Variants in LARP1 observed in about 807,000 individuals in gnomAD.
LARP1 encodes the protein la-related protein 1.
LARP1 carries 36 observed loss-of-function variants against 122.7 expected under a neutral mutation model. The ratio of observed to expected loss-of-function variants is 0.29; its 90% CI spans 0.22 to 0.39. The LOEUF (loss-of-function observed/expected upper bound fraction) is 0.39. Among genes scored for constraint, LARP1 ranks in the 10% least tolerant of loss-of-function variants. The pLI is 1.00. For missense variants in LARP1, 1,040 were observed against 1,403.6 expected (o/e 0.74, Z 4.14); for synonymous variants, 539 against 528.7 (o/e 1.02, Z -0.27).
At chr5:154,804,858 C>A in intron 14 of LARP1, 1 of 456,216 alleles carries the variant, frequency 2.2e-6, no homozygotes, top group Non-Finnish European at 4.4e-6. Context: ...CTACTCCCTG[C>A]AGAGATGGCA....
In LARP1 at chr5:154,803,761, C is replaced by T. The variant is rs1352053887; in HGVS notation, c.2439+16C>T. The stretch of plus-strand genomic sequence containing the variant: ...GGATGCCAAGGTGAGGCATTCCTGT[C>T]GGGCTGCTCAGAGTCTTGGGTCTAC... On this transcript the variant is annotated intron_variant, in intron 13 of 18. Coordinates refer to ENST00000518297, the MANE Select transcript of LARP1 (RefSeq NM_033551.3). This position sits in a 1 kb window ranked among gnomAD's most constrained non-coding sequence, Gnocchi z 4.4. The T allele has an allele frequency of 3.1e-6, 5 of 1,611,400 alleles. No individual in the cohort carries two copies. The highest frequency in any genetic ancestry group is 1.1e-5 in the South Asian group (1 of 91,016).
At chr5:154,753,853 A>C (rs888234573), upstream of LARP1, among the ~76,000 whole-genome samples, 1 of 152,206 alleles carries the variant, frequency 6.6e-6, no homozygotes, top group Non-Finnish European at 1.5e-5. Context: ...TGGCTGGGGC[A>C]GTTCCAAGAG....
At chr5:154,704,647 CAAA>C (rs75268894) in intron 1 of LARP1, among the ~76,000 whole-genome samples, 5 of 52,826 alleles carry the variant, frequency 9.5e-5, no homozygotes, top group Admixed American at 1.9e-4. Context: ...AACCCTGTCT[CAAA>C]AAAAAAAAAA....
rs114538762 is a variant in LARP1 at position 154,688,209 on chromosome 5, G to A, written c.-180+5172G>A. On this transcript the variant is annotated intron_variant, in intron 1 of 18. Coordinates refer to the LARP1 transcript ENST00000687700. Reference sequence around the variant, plus strand: ...TGATGTTGGGTGTCCTGGGGGTGGCGAGGCTCCTGCAGTCTCATCCGGGGA... The same window carrying A: ...TGATGTTGGGTGTCCTGGGGGTGGCAAGGCTCCTGCAGTCTCATCCGGGGA... Among the ~76,000 whole-genome samples, 980 of 152,290 alleles carry A rather than the reference G, an allele frequency of 6.4e-3. 14 individuals carry two copies. Among genetic ancestry groups the A allele is most frequent in the African/African-American group, 0.022 (909 of 41,556 alleles).
At chr5:154,790,602 AC>A in intron 2 of LARP1, 42 bp from the exon 3 acceptor site, 1 of 1,604,350 alleles carries the variant, frequency 6.2e-7, no homozygotes, top group Non-Finnish European at 8.5e-7. Flanking sequence ...AATAGCAAAG[AC>A]AGGGTCACTC....
intron 1 of LARP1, among the ~76,000 whole-genome samples, chr5:154,789,141 G>A (rs1419692665): frequency 1.3e-5 from 2 of 151,424 alleles, no homozygotes; most frequent in African/African-American, 2.4e-5. Flanking sequence ...AACCCGGGAG[G>A]CAGGTGTTGC....
In LARP1 at chr5:154,806,014, C is replaced by T; in HGVS notation, c.2680C>T (p.Arg894Cys). The stretch of plus-strand genomic sequence containing the variant: ...CACACAACACGTCTACCATAAGTAT[C>T]GTAGGCGCTGCCTTAATGGTAAGAA... ...GFTQHVYHKYRRRCLNERKRL... is the reference protein window; with the variant it reads ...GFTQHVYHKYCRRCLNERKRL... The change falls in exon 15 of 19, where the codon CGT becomes TGT. Residue 894 changes from arginine (R) to cysteine (C), a missense_variant. Transcript: ENST00000518297. 3 of 1,614,074 alleles carry T rather than the reference C, an allele frequency of 1.9e-6. No homozygotes were observed. The highest frequency in any genetic ancestry group is 2.5e-6 in the Non-Finnish European group (3 of 1,180,024).
chr5:154,779,805 G>A (rs943647025), intron 1 of LARP1, among the ~76,000 whole-genome samples: 4 of 152,100 alleles, frequency 2.6e-5, no homozygotes, highest in African/African-American at 9.7e-5. Flanking sequence ...ACTGTGCCCA[G>A]CCCCCCTCTA....
chr5:154,794,597 AGTGTTTATT>A (rs986085737), intron 7 of LARP1, among the ~76,000 whole-genome samples: 2 of 152,214 alleles, frequency 1.3e-5, no homozygotes, highest in Admixed American at 1.3e-4. Context: ...GGCCAGGCTC[AGTGTTTATT>A]GTTGTAGAGG....
At position 154,793,966 on chromosome 5, in the gene LARP1, TCGCGGCCGGGGA is replaced by T. The variant is rs746559233; in HGVS notation, c.1047_1058del (p.Arg350_Gly353del). The T allele has an allele frequency of 8.1e-6, 13 of 1,611,598 alleles. No individual in the cohort carries two copies. The highest frequency in any genetic ancestry group is 2.7e-5 in the African/African-American group (2 of 74,808). On this transcript the variant is annotated inframe_deletion, in exon 6 of 19. Transcript: ENST00000518297. ...TCCGTGGCCGTGGACGGGGGCGTGG[TCGCGGCCGGGGA>T]CGCGGCCGGGGTGGCACTCGAAGTA...
At chr5:154,768,745 C>A (rs1427313839) in intron 1 of LARP1, among the ~76,000 whole-genome samples, 2 of 152,062 alleles carry the variant, frequency 1.3e-5, no homozygotes, top group African/African-American at 4.8e-5. Context: ...CCATGCCCGG[C>A]TAATTTTTGT....
chr5:154,712,951 A>G (rs1755294888), exon 1 of LARP1: 1 of 1,614,136 alleles, frequency 6.2e-7, no homozygotes, highest in East Asian at 2.2e-5. Context: ...CTTTTGTCAA[A>G]GAGGCCTCCT....
chr5:154,740,926 C>T (rs1752844063), intron 1 of LARP1, among the ~76,000 whole-genome samples: 1 of 152,208 alleles, frequency 6.6e-6, no homozygotes, highest in Non-Finnish European at 1.5e-5. Flanking sequence ...GTGACAAGTC[C>T]TCCTTGCCCC....
chr5:154,704,740 T>C (rs746972833), intron 1 of LARP1, among the ~76,000 whole-genome samples: 1 of 150,566 alleles, frequency 6.6e-6, no homozygotes, highest in East Asian at 1.9e-4. Context: ...TTGTAAACTA[T>C]GCATTCGAAA....
chr5:154,793,074 G>T (rs1757462328), intron 4 of LARP1, among the ~76,000 whole-genome samples: 1 of 152,138 alleles, frequency 6.6e-6, no homozygotes, highest in Non-Finnish European at 1.5e-5. Context: ...GTAACAGCTT[G>T]GTGTAAATAC....
At chr5:154,791,830 G>C in intron 3 of LARP1, 1 of 389,780 alleles carries the variant, frequency 2.6e-6, no homozygotes, top group South Asian at 1.8e-5. Flanking sequence ...TGTATAAGTG[G>C]ACCCACACAG....
intron 4 of LARP1, 135 bp from the exon 5 acceptor site, chr5:154,793,460 G>A: frequency 9.2e-7 from 1 of 1,086,300 alleles, no homozygotes; most frequent in Non-Finnish European, 1.4e-6. Flanking sequence ...GCTAATGTGT[G>A]GGAAAGGGAT....
At chr5:154,737,503 G>A (rs1756969598) in intron 1 of LARP1, among the ~76,000 whole-genome samples, 1 of 135,080 alleles carries the variant, frequency 7.4e-6, no homozygotes, top group Admixed American at 7.8e-5. Context: ...GTGCAGCGGT[G>A]AGATCTCAGC....
intron 1 of LARP1, among the ~76,000 whole-genome samples, chr5:154,739,197 T>TG (rs1757082062): frequency 6.6e-6 from 1 of 152,056 alleles, no homozygotes; most frequent in South Asian, 2.1e-4. Flanking sequence ...TTGTATTTTT[T>TG]TTTTAGTAGA....
Sources: allele counts gnomAD v4.1 joint callset (sites outside exome capture counted in the v4.1 genomes callset), GRCh38; gene constraint gnomAD v4.1.1; non-coding constraint Gnocchi (gnomAD v3.1); transcripts MANE v1.5; gene names NCBI Gene and HGNC (gene_info 2026-07-23, HGNC 2026-07-21).